Variants in ECHDC2 observed in about 807,000 individuals in gnomAD.
ECHDC2 encodes the protein enoyl-CoA hydratase domain-containing protein 2, mitochondrial.
In ECHDC2, 34 loss-of-function variants were observed where a neutral mutation model predicts 40.6. The ratio of observed to expected loss-of-function variants is 0.84; its 90% confidence interval spans 0.64 to 1.11. The LOEUF (loss-of-function observed/expected upper bound fraction) is 1.11, where lower values mean the gene tolerates loss of function less well. Ranked by LOEUF, ECHDC2 falls within the 50% of genes most tolerant of loss-of-function variation. The pLI is 0.00. For synonymous variants in ECHDC2, 162 were observed against 166.6 expected (o/e 0.97, Z 0.21); for missense variants, 392 against 400.7 (o/e 0.98, Z 0.19).
chr1:52,911,178 A>C (rs765397523), intron 3 of ECHDC2, among the ~76,000 whole-genome samples: 31 of 152,036 alleles, frequency 2.0e-4, no homozygotes, highest in Non-Finnish European at 4.3e-4. Flanking sequence ...GGGTTTCACC[A>C]TGTTGGCCAG....
intron 1 of ECHDC2, chr1:52,912,171 C>A: frequency 1.2e-4 from 34 of 289,100 alleles, no homozygotes; most frequent in Non-Finnish European, 1.6e-4. Flanking sequence ...CCATATTCAT[C>A]TTTTTTTTTT....
At chr1:52,907,666 A>AT in intron 4 of ECHDC2, 1 of 548,494 alleles carries the variant, frequency 1.8e-6, no homozygotes, top group South Asian at 2.5e-5. Flanking sequence ...GTGGGGCGGG[A>AT]CACAAAAGCT....
chr1:52,913,067 T>C lies in ECHDC2; in HGVS notation c.122-1277A>G, dbSNP rs1415285856. ...TGCTAATTTCTAAAATTGCCGTGTA[T>C]CTTTTAAATCCTGGTACAACCCCCA... On this transcript the variant is annotated intron_variant, in intron 1 of 9. Coordinates refer to ENST00000371522, the MANE Select transcript of ECHDC2 (RefSeq NM_001198961.2). The C allele has an allele frequency of 2.0e-5, 3 of 152,324 alleles. No individual in the cohort carries two copies. In the East Asian group the frequency reaches 5.8e-4, roughly 29 times the overall value. The allele number at this position is 152,324 out of a possible 1,614,324, so 9.4% of individuals were successfully genotyped here.
chr1:52,897,407 A>G, intron 9 of ECHDC2, 30 bp downstream of exon 9: 1 of 1,612,604 alleles, frequency 6.2e-7, no homozygotes. Flanking sequence ...GCCTATGTTA[A>G]CAAGCAGGCA....
At chr1:52,908,806 C>T (rs1236428836) in intron 3 of ECHDC2, among the ~76,000 whole-genome samples, 1 of 151,714 alleles carries the variant, frequency 6.6e-6, no homozygotes, top group Non-Finnish European at 1.5e-5. Context: ...TGTTGGTGGG[C>T]ACCTGTAATC....
intron 7 of ECHDC2, chr1:52,900,156 T>G (rs1424428217): frequency 6.6e-6 from 1 of 152,216 alleles, no homozygotes; most frequent in East Asian, 1.9e-4. Flanking sequence ...CAGCAGCTGC[T>G]ACACGCTTGA....
chr1:52,899,125 G>C, intron 8 of ECHDC2, 49 bp downstream of exon 8: 1 of 1,597,724 alleles, frequency 6.3e-7, no homozygotes, highest in Non-Finnish European at 8.6e-7. Context: ...CTGTGTCCCA[G>C]CCGCGACCAA....
chr1:52,905,376 G>C (rs138214584), intron 5 of ECHDC2: 6 of 503,744 alleles, frequency 1.2e-5, no homozygotes, highest in Admixed American at 3.2e-5. Context: ...GCCCTCTTCT[G>C]TCTGCTTCAG....
At chr1:52,910,749 G>A (rs1043776339) in intron 3 of ECHDC2, among the ~76,000 whole-genome samples, 2 of 152,204 alleles carry the variant, frequency 1.3e-5, no homozygotes, top group East Asian at 3.8e-4. Context: ...GGTCCAAGAA[G>A]GCTGAGAGGT....
intron 7 of ECHDC2, chr1:52,901,782 A>G (rs929152527): frequency 2.0e-5 from 3 of 152,210 alleles, no homozygotes; most frequent in African/African-American, 7.2e-5. Context: ...CAGTAATTAT[A>G]TAGTACCAAT....
chr1:52,921,754 C>T (rs1651959829), upstream of ECHDC2: 6 of 1,419,416 alleles, frequency 4.2e-6, no homozygotes, highest in South Asian at 7.6e-5. Flanking sequence ...GTTCCGGCGT[C>T]GGGCGAAGCC....
chr1:52,904,760 C>A lies in ECHDC2; in HGVS notation c.588G>T (p.Leu196=). 1 of 1,613,062 alleles carries A rather than the reference C, an allele frequency of 6.2e-7. No homozygotes were observed. Among genetic ancestry groups the A allele is most frequent in the South Asian group, 1.1e-5 (1 of 91,078 alleles). ...CCAGTACGTGGGCCTCAGTTCCACTCAGTCGTCGGCCCGTGAAGATGAGCT... is the reference window on the plus strand; with the variant it reads ...CCAGTACGTGGGCCTCAGTTCCACTAAGTCGTCGGCCCGTGAAGATGAGCT... ...AKELIFTGRR[L]SGTEAHVLGL... Residue 196 remains leucine, a synonymous_variant, in exon 7 of 10, where the codon CTG becomes CTT. Coordinates refer to ENST00000371522, the MANE Select transcript of ECHDC2 (RefSeq NM_001198961.2).
Position 52,907,904 on chromosome 1 carries a change from A to AC in ECHDC2, c.327dup (p.Phe110ValfsTer11), listed in dbSNP as rs1365874577. 1 of 1,613,836 alleles carries AC rather than the reference A, an allele frequency of 6.2e-7. No homozygotes were observed. Among genetic ancestry groups the AC allele is most frequent in the Non-Finnish European group, 8.5e-7 (1 of 1,179,994 alleles). ...ATCAGGCCCCGGAGTCGCTGGACAA[A>AC]CACCCCCACCTCTGCTTCACTCATC... On this transcript the variant is annotated frameshift_variant, in exon 4 of 10. Transcript: ENST00000371522. LOFTEE classifies it high-confidence loss of function.
intron 1 of ECHDC2, among the ~76,000 whole-genome samples, chr1:52,920,168 T>C (rs1016843069): frequency 6.6e-6 from 1 of 152,066 alleles, no homozygotes. Flanking sequence ...GAACTAAGCA[T>C]GAGATTGGGG....
chr1:52,914,092 C>T lies in ECHDC2; in HGVS notation c.122-2302G>A. 1.7e-6 allele frequency: 1 copy of T among 588,302 alleles called. No homozygotes were observed. The highest frequency in any genetic ancestry group is 2.9e-6 in the Non-Finnish European group (1 of 348,082). 36.4% of individuals were successfully genotyped at this position (588,302 alleles called of 1,614,324 possible). A position where few individuals can be genotyped will look rare whatever the true frequency, so the allele number is the denominator to read the frequency against. ...TCAAGGCCTGTCCTCATGGAACCTA[C>T]AGCCTAGTGGGGAAGACAGACATTA... is the stretch of plus-strand genomic sequence containing the variant. On this transcript the variant is annotated intron_variant, in intron 1 of 9. Coordinates refer to ENST00000371522, the MANE Select transcript of ECHDC2 (RefSeq NM_001198961.2). The surrounding 1 kb of genome is among the most constrained non-coding windows in gnomAD (Gnocchi z 4.0).
intron 1 of ECHDC2, among the ~76,000 whole-genome samples, chr1:52,918,459 T>A (rs1651206401): frequency 6.6e-6 from 1 of 152,016 alleles, no homozygotes; most frequent in Non-Finnish European, 1.5e-5. Context: ...AGATGGCAGC[T>A]CCATGCACGT....
At chr1:52,911,888 G>A (rs1332960034) in intron 1 of ECHDC2, 98 bp from the exon 2 acceptor site, 2 of 1,544,308 alleles carry the variant, frequency 1.3e-6, no homozygotes. Context: ...GATCTGGGGA[G>A]CCTCTGCCCT....
chr1:52,899,424 A>G lies in ECHDC2; in HGVS notation c.703-200T>C, dbSNP rs546654547. ...CTATCATGAAAGAAGCCAGACTCTG[A>G]TCCCTGAACACCTGGGTTTCTTGTT... is the stretch of plus-strand genomic sequence containing the variant. On this transcript the variant is annotated intron_variant, in intron 7 of 9. Transcript: ENST00000371522. 1.2e-5 allele frequency: 7 copies of G among 596,824 alleles called. No homozygotes were observed. In the Admixed American group the frequency reaches 2.1e-4, roughly 18 times the overall value. 37.0% of individuals were successfully genotyped at this position (596,824 alleles called of 1,614,324 possible).
At position 52,921,622 on chromosome 1, in the gene ECHDC2, C is replaced by T. The variant is rs1419814808; in HGVS notation, c.52G>A (p.Gly18Ser). 2 of 1,597,106 alleles carry T rather than the reference C, an allele frequency of 1.3e-6. No homozygotes were observed. Among genetic ancestry groups the T allele is most frequent in the South Asian group, 1.1e-5 (1 of 88,534 alleles). Residue 18 changes from glycine to serine, a missense_variant, in exon 1 of 10, where the codon GGC becomes AGC. Physicochemically the swap from Gly to Ser is moderately conservative, Grantham distance 56. Coordinates refer to ENST00000371522, the MANE Select transcript of ECHDC2 (RefSeq NM_001198961.2). ...LRPWRPLRAR[G>S]CASDGAAGGS... The stretch of plus-strand genomic sequence containing the variant: ...CCGGCCGCCCCGTCGGAAGCGCAGC[C>T]GCGGGCCCGAAGGGGCCTCCAGGGG...
Sources: gnomAD v4.1 joint callset for allele counts (sites outside exome capture counted in the v4.1 genomes callset) on GRCh38, gnomAD v4.1.1 for gene constraint, Gnocchi (gnomAD v3.1) non-coding constraint, MANE v1.5 for transcripts, NCBI Gene and HGNC (gene_info 2026-07-23, HGNC 2026-07-21) for gene names.